Variants in TADA2B observed in about 807,000 individuals in gnomAD.
TADA2B encodes the protein transcriptional adapter 2-beta.
TADA2B carries 13 observed loss-of-function variants against 34.5 expected under a neutral mutation model. The observed-to-expected ratio is 0.38, with a 90% CI of 0.25 to 0.60. TADA2B has a LOEUF of 0.60. Among genes scored for constraint, TADA2B ranks in the 20% least tolerant of loss-of-function variants. The probability of loss-of-function intolerance (pLI) is 0.65; values close to 1 mark genes in which losing one functional copy is unlikely to be tolerated. For synonymous variants in TADA2B, 240 were observed against 243.4 expected (o/e 0.99, Z 0.13); for missense variants, 442 against 575.0 (o/e 0.77, Z 2.37).
intron 1 of TADA2B, among the ~76,000 whole-genome samples, chr4:7,050,658 G>C (rs1285929168): frequency 4.6e-5 from 7 of 152,246 alleles, no homozygotes; most frequent in Non-Finnish European, 1.0e-4. Flanking sequence ...GAGCCTGCAG[G>C]GCTGGCAGCC....
intron 1 of TADA2B, among the ~76,000 whole-genome samples, chr4:7,052,396 T>C (rs1024712368): frequency 1.3e-5 from 2 of 152,198 alleles, no homozygotes; most frequent in African/African-American, 2.4e-5. Flanking sequence ...CGGCCTGTAG[T>C]TATCTGTTTC....
At chr4:7,052,260 G>A (rs1232733187) in intron 1 of TADA2B, among the ~76,000 whole-genome samples, 2 of 152,256 alleles carry the variant, frequency 1.3e-5, no homozygotes, top group African/African-American at 4.8e-5. Context: ...GCACAGACGT[G>A]AGGCGTTGGG....
Position 7,043,495 on chromosome 4 carries a change from G to A in TADA2B, c.-85G>A, listed in dbSNP as rs1408935906. On this transcript the variant is annotated 5_prime_UTR_variant, in exon 1 of 2. Coordinates refer to ENST00000310074, the MANE Select transcript of TADA2B (RefSeq NM_152293.3). ...GCGGTTGCTCGTGCGCGGCGGCGGCGGCGGGTCCCGCGGGCGGCGGGGCGC... is the reference window on the plus strand; with the variant it reads ...GCGGTTGCTCGTGCGCGGCGGCGGCAGCGGGTCCCGCGGGCGGCGGGGCGC... 4 of 874,190 alleles carry A rather than the reference G, an allele frequency of 4.6e-6. No individual in the cohort carries two copies. In the African/African-American group the frequency reaches 7.4e-5, roughly 16 times the overall value. 54.2% of individuals were successfully genotyped at this position (874,190 alleles called of 1,614,324 possible).
At position 7,054,894 on chromosome 4, in the gene TADA2B, G is replaced by C; in HGVS notation, c.1103G>C (p.Arg368Pro). 6.2e-7 allele frequency: 1 copy of C among 1,613,926 alleles called. No individual in the cohort carries two copies. Among genetic ancestry groups the C allele is most frequent in the Non-Finnish European group, 8.5e-7 (1 of 1,179,890 alleles). The change falls in exon 2 of 2, where the codon CGC becomes CCC. Residue 368 changes from arginine (R) to proline (P), a missense_variant. By Grantham distance (103) the Arg-to-Pro change is moderately radical (BLOSUM62 -2). Transcript: ENST00000310074. ...AGCTCTTTAAACTTGAGTCCAGCCC[G>C]CTACGTGACTGTGAAGACTATTATA... ...LCSSLNLSPA[R>P]YVTVKTIIIK...
chr4:7,045,329 G>A (rs543389063), intron 1 of TADA2B, among the ~76,000 whole-genome samples: 13 of 152,220 alleles, frequency 8.5e-5, no homozygotes, highest in African/African-American at 2.9e-4. Context: ...CCGTAGTCCC[G>A]GCTGATGTTT....
chr4:7,048,493 A>T (rs1723691429), intron 1 of TADA2B, among the ~76,000 whole-genome samples: 1 of 152,194 alleles, frequency 6.6e-6, no homozygotes, highest in African/African-American at 2.4e-5. Context: ...GTGGGACCCC[A>T]CTTTAAGAAC....
chr4:7,054,574 G>A lies in TADA2B; in HGVS notation c.783G>A (p.Pro261=), dbSNP rs368691486. ...EEKELRLKLR[P]LYQFMSCKEF... ...AGGAGCTGCGCCTGAAGCTGAGGCC[G>A]CTGTACCAGTTCATGTCATGCAAGG... The change falls in exon 2 of 2, where the codon CCG becomes CCA. Residue 261 remains proline (P), a synonymous_variant. Coordinates refer to ENST00000310074, the MANE Select transcript of TADA2B (RefSeq NM_152293.3). 73 of 1,613,778 alleles carry A rather than the reference G, an allele frequency of 4.5e-5. 1 individual carries two copies. Among genetic ancestry groups the A allele is most frequent in the Non-Finnish European group, 5.8e-5 (69 of 1,179,894 alleles).
chr4:7,054,356 T>C lies in TADA2B; in HGVS notation c.565T>C (p.Ser189Pro). The change falls in exon 2 of 2, where the codon TCT (serine) becomes CCT (proline). Residue 189 changes from serine (S) to proline (P), a missense_variant. Ser to Pro is a moderately conservative substitution (Grantham distance 74). Coordinates refer to ENST00000310074, the MANE Select transcript of TADA2B (RefSeq NM_152293.3). ...QDAETLISGL[S>P]VNYDDDDVEI... ...TGCCGAGACGCTCATCAGCGGGCTC[T>C]CTGTCAACTATGATGACGACGACGT... is the stretch of plus-strand genomic sequence containing the variant. The C allele has an allele frequency of 6.2e-7, 1 of 1,613,526 alleles. No individual in the cohort carries two copies. The highest frequency in any genetic ancestry group is 8.5e-7 in the Non-Finnish European group (1 of 1,179,898).
chr4:7,050,542 G>T (rs576454104), intron 1 of TADA2B, among the ~76,000 whole-genome samples: 1 of 152,222 alleles, frequency 6.6e-6, no homozygotes. Flanking sequence ...CCTCTGCCTC[G>T]TCCTTCACAG....
chr4:7,053,848 C>T (rs557946966), intron 1 of TADA2B: 3 of 557,156 alleles, frequency 5.4e-6, no homozygotes, highest in Non-Finnish European at 9.4e-6. Context: ...TTCTCATGTA[C>T]AGAATCAGCA....
At chr4:7,052,761 A>G (rs910393276) in intron 1 of TADA2B, 2 of 152,276 alleles carry the variant, frequency 1.3e-5, no homozygotes, top group Admixed American at 6.5e-5. Flanking sequence ...TGTTTTTAAA[A>G]GAAGCAGTCA....
chr4:7,053,863 T>G, intron 1 of TADA2B, 199 bp from the exon 2 acceptor site: 1 of 592,848 alleles, frequency 1.7e-6, no homozygotes, highest in Non-Finnish European at 2.9e-6. Flanking sequence ...TCAGCATGTG[T>G]TGTTGCTTCA....
intron 1 of TADA2B, among the ~76,000 whole-genome samples, chr4:7,050,996 G>A (rs761619441): frequency 3.3e-5 from 5 of 152,192 alleles, no homozygotes; most frequent in East Asian, 1.9e-4. Flanking sequence ...TCTGAAAACC[G>A]TAGGCGGTAA....
intron 1 of TADA2B, among the ~76,000 whole-genome samples, chr4:7,052,058 G>T (rs1279068119): frequency 1.3e-5 from 2 of 152,234 alleles, no homozygotes; most frequent in East Asian, 3.9e-4. Flanking sequence ...TCTGGGACGA[G>T]GGGGACACCC....
chr4:7,047,791 G>T (rs1447704482), intron 1 of TADA2B, among the ~76,000 whole-genome samples: 1 of 152,222 alleles, frequency 6.6e-6, no homozygotes, highest in Non-Finnish European at 1.5e-5. Context: ...GCCAGCTTGG[G>T]GTGAGGGAGG....
intron 1 of TADA2B, chr4:7,045,105 G>A (rs1577214242): frequency 6.6e-6 from 1 of 152,298 alleles, no homozygotes; most frequent in South Asian, 2.1e-4. Context: ...GGAGAACTCT[G>A]AAGGAAAGAG....
intron 1 of TADA2B, among the ~76,000 whole-genome samples, chr4:7,051,692 G>A (rs1186313177): frequency 6.6e-6 from 1 of 152,018 alleles, no homozygotes; most frequent in Non-Finnish European, 1.5e-5. Context: ...CCACCTCCCG[G>A]GTTCACGCCA....
At chr4:7,050,817 A>G (rs1434434097) in intron 1 of TADA2B, among the ~76,000 whole-genome samples, 1 of 152,214 alleles carries the variant, frequency 6.6e-6, no homozygotes. Context: ...TCATCACAAC[A>G]TCGGGAAGCG....
chr4:7,044,281 G>A lies in TADA2B; in HGVS notation c.270+432G>A, dbSNP rs574985970. On this transcript the variant is annotated intron_variant, in intron 1 of 1. Coordinates refer to ENST00000310074, the MANE Select transcript of TADA2B (RefSeq NM_152293.3). ...GTGGGCGCCCTGCGGCTTGTCTCGG[G>A]GTCTCTGGGGCGGCCCCGTTTGCTT... Among the ~76,000 whole-genome samples, 800 of 152,184 alleles carry A rather than the reference G, an allele frequency of 5.3e-3. 10 individuals carry two copies. The highest frequency in any genetic ancestry group is 8.2e-3 in the Non-Finnish European group (558 of 68,010).
Sources: gnomAD v4.1 joint callset for allele counts (sites outside exome capture counted in the v4.1 genomes callset) on GRCh38, gnomAD v4.1.1 for gene constraint, MANE v1.5 for transcripts, NCBI Gene and HGNC (gene_info 2026-07-23, HGNC 2026-07-21) for gene names.